Variants in TRABD2B observed in about 807,000 individuals in gnomAD.
TRABD2B encodes TraB domain containing 2B.
In TRABD2B, 14 loss-of-function variants were observed where a neutral mutation model predicts 40.1. The ratio of observed to expected loss-of-function variants is 0.35; its 90% CI spans 0.23 to 0.55. The LOEUF (loss-of-function observed/expected upper bound fraction) is 0.55, where lower values mean the gene tolerates loss of function less well. Ranked by LOEUF, TRABD2B falls within the 20% of genes least tolerant of loss-of-function variation. The pLI, the probability that TRABD2B is intolerant of heterozygous loss-of-function variation, is 0.90. For missense variants in TRABD2B, 541 were observed against 648.6 expected (o/e 0.83, Z 1.80); for synonymous variants, 263 against 277.0 (o/e 0.95, Z 0.50).
chr1:47,851,330 A>T (rs1306654443), intron 2 of TRABD2B, among the ~76,000 whole-genome samples: 1 of 152,148 alleles, frequency 6.6e-6, no homozygotes, highest in Non-Finnish European at 1.5e-5. Flanking sequence ...AATTATAAAT[A>T]ATCAAAATGG....
chr1:47,996,547 A>G lies in TRABD2B; in HGVS notation c.102+141T>C. ...GAGCCGGGACAGGCAGGAGCGAAGG[A>G]AGGGCGCCCGAGGCTGCGCCCGGGG... is the stretch of plus-strand genomic sequence containing the variant. On this transcript the variant is annotated intron_variant, in intron 1 of 6. Coordinates refer to ENST00000606738, the MANE Select transcript of TRABD2B (RefSeq NM_001194986.2). This position sits in a 1 kb window ranked among gnomAD's most constrained non-coding sequence, Gnocchi z 4.6. The G allele has an allele frequency of 1.0e-6, 1 of 996,768 alleles. No individual in the cohort carries two copies. 61.7% of individuals were successfully genotyped at this position (996,768 alleles called of 1,614,324 possible). A position where few individuals can be genotyped will look rare whatever the true frequency, so the allele number is the denominator to read the frequency against.
chr1:47,970,598 C>T (rs1325554439), intron 2 of TRABD2B, among the ~76,000 whole-genome samples: 1 of 152,184 alleles, frequency 6.6e-6, no homozygotes, highest in Non-Finnish European at 1.5e-5. Flanking sequence ...TGTTACAAAC[C>T]ACCCCAGGCC....
rs145926434 is a variant in TRABD2B, at chr1:47,919,987, A to G, written c.666+74047T>C. 1.8e-3 allele frequency among the ~76,000 whole-genome samples: 281 copies of G among 152,352 alleles called. 1 individual carries two copies. Among genetic ancestry groups the G allele is most frequent in the Middle Eastern group, 3.4e-3 (1 of 294 alleles). Reference sequence around the variant, plus strand: ...GACAGGAGATGAAAGAGATCTGGGAACAGACCTGCCTCAGCTTCCTGTACA... The same window carrying G: ...GACAGGAGATGAAAGAGATCTGGGAGCAGACCTGCCTCAGCTTCCTGTACA... On this transcript the variant is annotated intron_variant, in intron 2 of 6. Transcript: ENST00000606738.
intron 2 of TRABD2B, among the ~76,000 whole-genome samples, chr1:47,973,566 C>G (rs768461722): frequency 2.0e-5 from 3 of 152,138 alleles, no homozygotes; most frequent in Non-Finnish European, 2.9e-5. Flanking sequence ...TGAATGGCAC[C>G]ACCATGGACC....
intron 2 of TRABD2B, among the ~76,000 whole-genome samples, chr1:47,943,929 C>G (rs887563136): frequency 6.6e-6 from 1 of 152,220 alleles, no homozygotes; most frequent in Non-Finnish European, 1.5e-5. Context: ...TTGCTTTACA[C>G]ACATTATGTC....
intron 2 of TRABD2B, among the ~76,000 whole-genome samples, chr1:47,907,415 A>C (rs1208867343): frequency 6.6e-6 from 1 of 152,188 alleles, no homozygotes; most frequent in Non-Finnish European, 1.5e-5. Context: ...TAATATCAGA[A>C]AGTATTTGAG....
chr1:47,997,065 T>G lies in TRABD2B; in HGVS notation c.-276A>C. On this transcript the variant is annotated 5_prime_UTR_variant, in exon 1 of 7. Coordinates refer to ENST00000606738, the MANE Select transcript of TRABD2B (RefSeq NM_001194986.2). ...GAGCCCCCGGGTGCTGAGGGCGTGT[T>G]GGGGTCCGGGGGCGCGCGGGGTCCC... The G allele has an allele frequency of 1.0e-6, 1 of 982,234 alleles. No homozygotes were observed. The highest frequency in any genetic ancestry group is 1.8e-5 in the African/African-American group (1 of 56,236). The allele number at this position is 982,234 out of a possible 1,614,324, so 60.8% of individuals were successfully genotyped here.
chr1:47,777,621 T>G (rs1030300295), intron 5 of TRABD2B, among the ~76,000 whole-genome samples: 1 of 152,174 alleles, frequency 6.6e-6, no homozygotes, highest in Non-Finnish European at 1.5e-5. Context: ...GCAGATTAAA[T>G]GAGTTAAAAG....
chr1:47,782,131 C>T (rs1644532666), intron 4 of TRABD2B, among the ~76,000 whole-genome samples: 1 of 152,130 alleles, frequency 6.6e-6, no homozygotes, highest in South Asian at 2.1e-4. Flanking sequence ...CAGCGACCTA[C>T]TGGGCATCTC....
intron 4 of TRABD2B, among the ~76,000 whole-genome samples, chr1:47,794,357 G>A (rs889200958): frequency 3.3e-5 from 5 of 152,156 alleles, no homozygotes; most frequent in Admixed American, 2.6e-4. Flanking sequence ...AATTATCCTG[G>A]CCATGGCAGG....
At chr1:47,879,293 G>A (rs926098377) in intron 2 of TRABD2B, among the ~76,000 whole-genome samples, 1 of 152,114 alleles carries the variant, frequency 6.6e-6, no homozygotes. Context: ...ATATGCAACA[G>A]TGATTCCGTA....
intron 2 of TRABD2B, among the ~76,000 whole-genome samples, chr1:47,877,378 T>C (rs1260204049): frequency 6.6e-6 from 1 of 152,074 alleles, no homozygotes; most frequent in African/African-American, 2.4e-5. Flanking sequence ...TAAGTGCATA[T>C]CCAGCTTCAA....
intron 2 of TRABD2B, among the ~76,000 whole-genome samples, chr1:47,878,082 A>AGGGAGGTGGATCACCTGAGGTC (rs1644249616): frequency 6.6e-6 from 1 of 151,994 alleles, no homozygotes; most frequent in Non-Finnish European, 1.5e-5. Context: ...TGGGAGGCTG[A>AGGGAGGTGGATCACCTGAGGTC]GGGAGGTGGA....
chr1:47,956,349 C>T (rs1014224034), intron 2 of TRABD2B, among the ~76,000 whole-genome samples: 1 of 152,178 alleles, frequency 6.6e-6, no homozygotes, highest in Non-Finnish European at 1.5e-5. Context: ...GTTCATCTCA[C>T]TGGGGCTTGT....
intron 2 of TRABD2B, among the ~76,000 whole-genome samples, chr1:47,950,738 G>C (rs1442148103): frequency 6.6e-6 from 1 of 152,208 alleles, no homozygotes; most frequent in African/African-American, 2.4e-5. Flanking sequence ...ACTCGTCTTT[G>C]CCTCTACCAG....
At chr1:47,778,422 T>C in intron 5 of TRABD2B, 32 bp downstream of exon 5, 1 of 1,496,594 alleles carries the variant, frequency 6.7e-7, no homozygotes, top group African/African-American at 1.4e-5. Context: ...GCAGGGTCAG[T>C]GAGGGCCAAG....
intron 6 of TRABD2B, among the ~76,000 whole-genome samples, chr1:47,773,734 T>C (rs1423978952): frequency 1.3e-5 from 2 of 152,240 alleles, no homozygotes; most frequent in African/African-American, 4.8e-5. Context: ...GTCTCGGGTA[T>C]GTCTTTATTA....
chr1:47,795,572 T>C (rs1304298701), intron 3 of TRABD2B: 4 of 882,832 alleles, frequency 4.5e-6, no homozygotes, highest in Non-Finnish European at 5.4e-6. Context: ...GCAAGTTACT[T>C]AACTTTTCCG....
At chr1:47,943,757 AACACACACACACACACAC>A (rs10554684) in intron 2 of TRABD2B, among the ~76,000 whole-genome samples, 49 of 146,820 alleles carry the variant, frequency 3.3e-4, no homozygotes, top group Non-Finnish European at 4.5e-4. Context: ...GCATCCAGAA[AACACACACACACACACAC>A]ACACACACAC....
Sources: allele counts gnomAD v4.1 joint callset (sites outside exome capture counted in the v4.1 genomes callset), GRCh38; gene constraint gnomAD v4.1.1; non-coding constraint Gnocchi (gnomAD v3.1); transcripts MANE v1.5; gene names NCBI Gene and HGNC (gene_info 2026-07-23, HGNC 2026-07-21).